The following LNX1 variants were observed in gnomAD, a reference collection of about 807,000 sequenced individuals.
LNX1 encodes the protein ligand of numb-protein X 1.
In LNX1, 54 loss-of-function variants were observed where a neutral mutation model predicts 68.4. That is an observed-to-expected ratio of 0.79 (90% CI 0.63 to 0.99). The LOEUF is 0.99. Ranked by LOEUF, LNX1 falls within the 50% of genes least tolerant of loss-of-function variation. The pLI is 0.00. For missense variants in LNX1, 906 were observed against 926.4 expected, an observed-to-expected ratio of 0.98 and a Z score of 0.29; for synonymous variants, 336 against 350.0, an observed-to-expected ratio of 0.96 and a Z score of 0.45.
chr4:53,572,802 G>GGT (rs1407440772), intron 2 of LNX1, among the ~76,000 whole-genome samples: 1 of 151,852 alleles, frequency 6.6e-6, no homozygotes, highest in East Asian at 1.9e-4. Context: ...TGTGTGTGTG[G>GGT]GTGTGTGTGT....
In LNX1 at chr4:53,498,780, A is replaced by C; in HGVS notation, c.839T>G (p.Val280Gly). ...GEITSIKINR[V>G]DPSESLSIRL... ...AATAGAGAGGCTTTCACTGGGATCT[A>C]CTCGATTGATCTTGATGCTGGTAAT... Residue 280 changes from valine to glycine, a missense_variant, in exon 5 of 11, where the codon GTA becomes GGA. By Grantham distance (109) the Val-to-Gly change is moderately radical. Coordinates refer to ENST00000263925, the MANE Select transcript of LNX1 (RefSeq NM_001126328.3). The C allele has an allele frequency of 4.3e-6, 7 of 1,613,998 alleles. No homozygotes were observed. Among genetic ancestry groups the C allele is most frequent in the Non-Finnish European group, 5.9e-6 (7 of 1,179,972 alleles).
chr4:53,575,119 T>C (rs1342760228), intron 1 of LNX1, among the ~76,000 whole-genome samples: 1 of 152,046 alleles, frequency 6.6e-6, no homozygotes, highest in Non-Finnish European at 1.5e-5. Context: ...GTAGCTGGGA[T>C]TACAGGCGCG....
At chr4:53,510,094 C>A (rs1325270657) in intron 2 of LNX1, among the ~76,000 whole-genome samples, 2 of 152,174 alleles carry the variant, frequency 1.3e-5, no homozygotes, top group Admixed American at 6.5e-5. Flanking sequence ...TAGAAAGATG[C>A]ACCCAAGGGA....
intron 1 of LNX1, among the ~76,000 whole-genome samples, chr4:53,582,493 C>G (rs1488935769): frequency 1.3e-5 from 2 of 152,220 alleles, no homozygotes; most frequent in African/African-American, 4.8e-5. Context: ...AAGGACACCA[C>G]ATGGAATGTG....
At position 53,575,950 on chromosome 4, in the gene LNX1, G is replaced by C. The variant is rs868828470; in HGVS notation, c.-86-1862C>G. 5.8e-6 allele frequency: 9 copies of C among 1,564,494 alleles called. No homozygotes were observed. In the East Asian group the frequency reaches 2.0e-4, roughly 36 times the overall value. Reference sequence around the variant, plus strand: ...TGGGGTCAGCACCAACCTGCCGCAGGAGTGGCTGGGTGCCCTACTGGCAGG... The same window carrying C: ...TGGGGTCAGCACCAACCTGCCGCAGCAGTGGCTGGGTGCCCTACTGGCAGG... On this transcript the variant is annotated intron_variant, in intron 1 of 10. Coordinates refer to ENST00000263925, the MANE Select transcript of LNX1 (RefSeq NM_001126328.3).
chr4:53,518,309 G>A (rs1307065917), intron 2 of LNX1, among the ~76,000 whole-genome samples: 3 of 152,210 alleles, frequency 2.0e-5, no homozygotes, highest in Admixed American at 2.0e-4. Flanking sequence ...ACAGGCATGA[G>A]ACACACTGGC....
intron 2 of LNX1, among the ~76,000 whole-genome samples, chr4:53,539,991 C>CAGTT (rs1728638449): frequency 6.6e-6 from 1 of 152,204 alleles, no homozygotes; most frequent in Non-Finnish European, 1.5e-5. Flanking sequence ...TCAGTATTTT[C>CAGTT]AGTTGCTCCA....
intron 2 of LNX1, chr4:53,603,442 T>C (rs1465282256): frequency 2.0e-5 from 3 of 152,244 alleles, no homozygotes; most frequent in Non-Finnish European, 4.4e-5. Context: ...GTGTCCACCA[T>C]GGAGCTTGTG....
chr4:53,552,895 C>T (rs1729617405), intron 2 of LNX1, among the ~76,000 whole-genome samples: 1 of 151,520 alleles, frequency 6.6e-6, no homozygotes, highest in Non-Finnish European at 1.5e-5. Flanking sequence ...GATGACTGAC[C>T]AGCACAATGA....
At chr4:53,466,912 T>TG (rs1722733674) in intron 9 of LNX1, among the ~76,000 whole-genome samples, 1 of 152,206 alleles carries the variant, frequency 6.6e-6, no homozygotes, top group Admixed American at 6.5e-5. Context: ...GCTCCATCTC[T>TG]GGGGGCAGGG....
At chr4:53,472,699 AC>A (rs112310703) in intron 9 of LNX1, among the ~76,000 whole-genome samples, 21,731 of 112,894 alleles carry the variant, frequency 0.19, 1,864 homozygotes, top group Admixed American at 0.24. Context: ...AAAAAAAAAA[AC>A]AAAAAACAAT....
In LNX1 at chr4:53,525,331, A is replaced by G. The variant is rs564497103; in HGVS notation, c.381-17104T>C. ...ACCTGGACTCTACTGAAAATACAGA[A>G]GTTAGCTGAGTGTGGTGGTGCATGC... On this transcript the variant is annotated intron_variant, in intron 2 of 10. Coordinates refer to ENST00000263925, the MANE Select transcript of LNX1 (RefSeq NM_001126328.3). Among the ~76,000 whole-genome samples the G allele has an allele frequency of 3.5e-4, 53 of 152,300 alleles. No homozygotes were observed. The South Asian group carries it at 5.2e-3, about 15-fold the overall frequency.
In LNX1 at chr4:53,573,741, T is replaced by C. The variant is rs1560675190; in HGVS notation, c.262A>G (p.Lys88Glu). Residue 88 changes from lysine to glutamate, a missense_variant, in exon 2 of 11, where the codon AAG (lysine) becomes GAG (glutamate). Lys to Glu is a moderately conservative substitution (Grantham distance 56, BLOSUM62 1). Coordinates refer to ENST00000263925, the MANE Select transcript of LNX1 (RefSeq NM_001126328.3). ...TTGTTGACCAGGATGCTGGACTTCT[T>C]GCAGTGCTGCAGAACCAGAGGCTTG... Reference protein sequence around the residue: ...DRKPLVLQHCKKSSILVNKLL... With the variant: ...DRKPLVLQHCEKSSILVNKLL... The C allele has an allele frequency of 1.2e-6, 2 of 1,611,574 alleles. No homozygotes were observed. The highest frequency in any genetic ancestry group is 1.7e-6 in the Non-Finnish European group (2 of 1,178,972).
At chr4:53,606,719 C>A (rs1314035111) in intron 2 of LNX1, among the ~76,000 whole-genome samples, 1 of 152,102 alleles carries the variant, frequency 6.6e-6, no homozygotes, top group Non-Finnish European at 1.5e-5. Context: ...AAAATACTGG[C>A]AAACTGAATC....
At chr4:53,565,796 T>G (rs1244435968) in intron 2 of LNX1, among the ~76,000 whole-genome samples, 1 of 150,070 alleles carries the variant, frequency 6.7e-6, no homozygotes, top group Non-Finnish European at 1.5e-5. Flanking sequence ...TACAGAGAAG[T>G]GCTTAAAGGA....
intron 2 of LNX1, among the ~76,000 whole-genome samples, chr4:53,609,709 T>C (rs1428827989): frequency 1.4e-5 from 2 of 144,646 alleles, no homozygotes; most frequent in African/African-American, 2.5e-5. Flanking sequence ...ATAGTACTAT[T>C]ATAATATATA....
chr4:53,517,386 G>A (rs1310299427), intron 2 of LNX1, among the ~76,000 whole-genome samples: 2 of 152,118 alleles, frequency 1.3e-5, no homozygotes, highest in African/African-American at 4.8e-5. Flanking sequence ...ATCAGTCAGC[G>A]CCTTCCAAAA....
At chr4:53,611,773 A>T (rs1404757765) in intron 2 of LNX1, among the ~76,000 whole-genome samples, 1 of 152,182 alleles carries the variant, frequency 6.6e-6, no homozygotes, top group East Asian at 1.9e-4. Flanking sequence ...ATAAAAGGTA[A>T]AGTAAACCAA....
At chr4:53,480,640 A>G (rs934192553) in intron 7 of LNX1, among the ~76,000 whole-genome samples, 30 of 152,186 alleles carry the variant, frequency 2.0e-4, no homozygotes, top group African/African-American at 7.2e-4. Context: ...TATTGTAGAG[A>G]AACAGGTAAT....
Sources: gnomAD v4.1 joint callset for allele counts (sites outside exome capture counted in the v4.1 genomes callset) on GRCh38, gnomAD v4.1.1 for gene constraint, MANE v1.5 for transcripts, NCBI Gene and HGNC (gene_info 2026-07-23, HGNC 2026-07-21) for gene names.